The following RCAN1 variants were observed in gnomAD, a reference collection of about 807,000 sequenced individuals.
RCAN1 encodes the protein regulator of calcineurin 1, also known as calcipressin-1.
In RCAN1, 11 loss-of-function variants were observed where a neutral mutation model predicts 22.9. The ratio of observed to expected loss-of-function variants is 0.48; its 90% CI spans 0.30 to 0.79. The LOEUF (loss-of-function observed/expected upper bound fraction) is 0.79. RCAN1 is among the 30% of genes least tolerant of loss of function. RCAN1 has a pLI of 0.06. For synonymous variants in RCAN1, 136 were observed against 142.3 expected, an observed-to-expected ratio of 0.96 and a Z score of 0.32; for missense variants, 291 against 337.8, an observed-to-expected ratio of 0.86 and a Z score of 1.09.
At chr21:34,587,019 G>T (rs1014975984) in intron 1 of RCAN1, among the ~76,000 whole-genome samples, 3 of 151,810 alleles carry the variant, frequency 2.0e-5, no homozygotes, top group African/African-American at 7.3e-5. Context: ...CAAAAAAACA[G>T]AAATTAAGTC....
At chr21:34,573,721 G>T (rs1987313900) in intron 1 of RCAN1, among the ~76,000 whole-genome samples, 1 of 152,074 alleles carries the variant, frequency 6.6e-6, no homozygotes, top group African/African-American at 2.4e-5. Context: ...CCTTTCTCTG[G>T]TATGTCAATA....
At chr21:34,555,636 G>A (rs1406565671) in intron 1 of RCAN1, among the ~76,000 whole-genome samples, 4 of 151,938 alleles carry the variant, frequency 2.6e-5, no homozygotes, top group African/African-American at 9.7e-5. Context: ...GGTGGGAAGT[G>A]TGGGAAGGAG....
chr21:34,576,115 C>T (rs2123690188), intron 1 of RCAN1, among the ~76,000 whole-genome samples: 1 of 152,288 alleles, frequency 6.6e-6, no homozygotes, highest in East Asian at 1.9e-4. Flanking sequence ...TACCCAACAG[C>T]TCAACAATGT....
intron 1 of RCAN1, among the ~76,000 whole-genome samples, chr21:34,567,366 ACATG>A (rs1386583646): frequency 1.3e-5 from 2 of 152,062 alleles, no homozygotes; most frequent in Non-Finnish European, 2.9e-5. Flanking sequence ...CGTGGGGGGC[ACATG>A]CCTGTAGTCC....
intron 1 of RCAN1, among the ~76,000 whole-genome samples, chr21:34,576,287 C>T (rs781213626): frequency 6.6e-5 from 10 of 152,188 alleles, no homozygotes; most frequent in Non-Finnish European, 1.2e-4. Flanking sequence ...TCTGCAGGTT[C>T]GTACCTGCAC....
chr21:34,563,944 C>T (rs888263616), intron 1 of RCAN1, among the ~76,000 whole-genome samples: 3 of 150,398 alleles, frequency 2.0e-5, no homozygotes, highest in African/African-American at 4.9e-5. Flanking sequence ...CTAGCGTGGG[C>T]GACAGAGTGA....
At chr21:34,562,160 T>C (rs2834542) in intron 1 of RCAN1, among the ~76,000 whole-genome samples, 29,304 of 152,124 alleles carry the variant, frequency 0.19, 3,022 homozygotes, top group Non-Finnish European at 0.23. Context: ...TATAAAACAA[T>C]CATCTTGCTC....
chr21:34,547,455 T>C (rs2834524), intron 1 of RCAN1, among the ~76,000 whole-genome samples: 36,781 of 152,134 alleles, frequency 0.24, 5,194 homozygotes, highest in African/African-American at 0.39. Flanking sequence ...CTCAATTAAG[T>C]ACTTTGTCCA....
chr21:34,599,058 A>G (rs1193006220), intron 1 of RCAN1, among the ~76,000 whole-genome samples: 7 of 152,202 alleles, frequency 4.6e-5, no homozygotes, highest in Non-Finnish European at 1.0e-4. Context: ...GGGGTAATAC[A>G]TCAGTATAAA....
At chr21:34,565,339 T>G (rs1207987601) in intron 1 of RCAN1, among the ~76,000 whole-genome samples, 1 of 152,208 alleles carries the variant, frequency 6.6e-6, no homozygotes, top group African/African-American at 2.4e-5. Context: ...GTTTCCCTGG[T>G]AGATAGTTTG....
intron 1 of RCAN1, among the ~76,000 whole-genome samples, chr21:34,563,989 G>A (rs1023890891): frequency 6.6e-5 from 10 of 151,440 alleles, no homozygotes; most frequent in South Asian, 2.1e-4. Flanking sequence ...AGAACTACCC[G>A]ACATTGGGTA....
At chr21:34,564,827 T>C (rs1986944237) in intron 1 of RCAN1, among the ~76,000 whole-genome samples, 1 of 152,088 alleles carries the variant, frequency 6.6e-6, no homozygotes, top group Admixed American at 6.5e-5. Context: ...CAACATGTCA[T>C]GAGGGAAAAC....
intron 1 of RCAN1, among the ~76,000 whole-genome samples, chr21:34,608,809 G>A (rs1057399977): frequency 2.0e-5 from 3 of 152,160 alleles, no homozygotes; most frequent in Non-Finnish European, 2.9e-5. Flanking sequence ...TAAAATGTGA[G>A]TACTATCAAC....
chr21:34,541,314 A>G (rs1050394857), intron 1 of RCAN1, among the ~76,000 whole-genome samples: 2 of 152,224 alleles, frequency 1.3e-5, no homozygotes, highest in Non-Finnish European at 2.9e-5. Flanking sequence ...TAGGCTTTAA[A>G]TAAGTGGGAA....
chr21:34,525,082 G>A (rs1462090219), intron 1 of RCAN1: 1 of 1,550,578 alleles, frequency 6.4e-7, no homozygotes, highest in Non-Finnish European at 8.7e-7. Flanking sequence ...AGAGCTCACT[G>A]AGGACCTTGG....
intron 1 of RCAN1, among the ~76,000 whole-genome samples, chr21:34,599,059 TC>T (rs1347715635): frequency 6.6e-6 from 1 of 152,098 alleles, no homozygotes; most frequent in Non-Finnish European, 1.5e-5. Context: ...GGGTAATACA[TC>T]AGTATAAACA....
intron 1 of RCAN1, among the ~76,000 whole-genome samples, chr21:34,584,794 A>G (rs535137187): frequency 1.1e-4 from 17 of 152,224 alleles, no homozygotes; most frequent in Non-Finnish European, 1.8e-4. Flanking sequence ...ACCTGTACCC[A>G]TAATTCTGCT....
chr21:34,533,917 G>A (rs1985548391), intron 1 of RCAN1, among the ~76,000 whole-genome samples: 3 of 152,194 alleles, frequency 2.0e-5, no homozygotes, highest in Non-Finnish European at 2.9e-5. Context: ...AATCTGGCAT[G>A]CTGCAAGCCC....
chr21:34,578,784 C>T (rs920804843), intron 1 of RCAN1, among the ~76,000 whole-genome samples: 2 of 152,116 alleles, frequency 1.3e-5, no homozygotes, highest in Admixed American at 6.5e-5. Context: ...GAAGTGGTCT[C>T]GGTTGCTCTA....
Sources: gnomAD v4.1 joint callset for allele counts (sites outside exome capture counted in the v4.1 genomes callset) on GRCh38, gnomAD v4.1.1 for gene constraint, MANE v1.5 for transcripts, NCBI Gene and HGNC (gene_info 2026-07-23, HGNC 2026-07-21) for gene names.